Variants in CRB1 observed in about 807,000 individuals in gnomAD.
The protein encoded by CRB1 is crumbs cell polarity complex component 1, also known as protein crumbs homolog 1.
In CRB1, 83 loss-of-function variants were observed where a neutral mutation model predicts 120.0. The observed-to-expected ratio is 0.69, with a 90% confidence interval of 0.58 to 0.83. CRB1 has a LOEUF of 0.83. Ranked by LOEUF, CRB1 falls within the 40% of genes least tolerant of loss-of-function variation. CRB1 has a pLI of 0.00. For missense variants in CRB1, 1,699 were observed against 1,687.6 expected, an observed-to-expected ratio of 1.01 and a Z score of -0.12; for synonymous variants, 625 against 612.5, an observed-to-expected ratio of 1.02 and a Z score of -0.30.
At chr1:197,203,894 C>G in the CRB1 span, among the ~76,000 whole-genome samples, 5 of 152,122 alleles carry the variant, frequency 3.3e-5, no homozygotes, top group Admixed American at 2.0e-4. Flanking sequence ...GTGCACCCAT[C>G]ATCCAAGTAG....
intron 11 of CRB1, among the ~76,000 whole-genome samples, chr1:197,472,512 A>C (rs1412563916): frequency 1.3e-5 from 2 of 152,158 alleles, no homozygotes; most frequent in African/African-American, 4.8e-5. Flanking sequence ...ATTTTCCAAA[A>C]AATCCTGCAA....
intron 11 of CRB1, among the ~76,000 whole-genome samples, chr1:197,446,368 G>T (rs1483047915): frequency 6.6e-6 from 1 of 152,132 alleles, no homozygotes; most frequent in African/African-American, 2.4e-5. Context: ...GGCTGTGGAA[G>T]AAGCAATGGC....
chr1:197,326,610 G>A lies in CRB1; in HGVS notation c.71-1812G>A, dbSNP rs367924230. 1.3e-4 allele frequency among the ~76,000 whole-genome samples: 20 copies of A among 152,032 alleles called. No individual in the cohort carries two copies. The East Asian group carries it at 2.5e-3, about 19-fold the overall frequency. On this transcript the variant is annotated intron_variant, in intron 1 of 11. Transcript: ENST00000367400. ...CATGCTACTGTACTCCAGCCTGGGC[G>A]ACAGAGCAAGACTCTGTCTCAAAAT...
the CRB1 span, among the ~76,000 whole-genome samples, chr1:197,221,507 T>G: frequency 1.3e-5 from 2 of 152,182 alleles, no homozygotes; most frequent in African/African-American, 4.8e-5. Flanking sequence ...TTCTGAAAAA[T>G]AATTTTACTA....
intron 5 of CRB1, chr1:197,363,898 A>G (rs1660918212): frequency 1.7e-6 from 2 of 1,189,098 alleles, no homozygotes; most frequent in Admixed American, 1.7e-5. Context: ...GACCCTAAAC[A>G]GAATCCTCAC....
At chr1:197,408,156 G>A (rs1283082176) in intron 5 of CRB1, among the ~76,000 whole-genome samples, 1 of 152,108 alleles carries the variant, frequency 6.6e-6, no homozygotes, top group Non-Finnish European at 1.5e-5. Context: ...TCTGTGCTGG[G>A]TTCCATATGG....
intron 9 of CRB1, among the ~76,000 whole-genome samples, chr1:197,436,072 C>T (rs746906200): frequency 3.9e-5 from 6 of 152,068 alleles, no homozygotes; most frequent in Non-Finnish European, 5.9e-5. Flanking sequence ...TCTTGAACAA[C>T]GCAGGGGTTA....
chr1:197,320,732 C>CGT (rs1350760335), intron 1 of CRB1, among the ~76,000 whole-genome samples: 2 of 151,986 alleles, frequency 1.3e-5, no homozygotes, highest in Non-Finnish European at 2.9e-5. Context: ...TAGGTATATA[C>CGT]AATGTTGAAT....
At chr1:197,381,038 A>G (rs1393087696) in intron 5 of CRB1, among the ~76,000 whole-genome samples, 1 of 152,194 alleles carries the variant, frequency 6.6e-6, no homozygotes, top group Non-Finnish European at 1.5e-5. Flanking sequence ...CGTATCTGAC[A>G]ACCATTCCCA....
Position 197,328,513 on chromosome 1 carries a change from T to C in CRB1, c.162T>C (p.Cys54=), listed in dbSNP as rs1426861310. ...AAGATTTTTCAAAAGACAATGATTG[T>C]TCTTGTTCAGACACAGCCAATAATT... ...TCKDFSKDND[C]SCSDTANNLD... is the part of the protein sequence containing the mutation. The change falls in exon 2 of 12, where the codon TGT becomes TGC. Residue 54 remains cysteine (C), a synonymous_variant. Coordinates refer to ENST00000367400, the MANE Select transcript of CRB1 (RefSeq NM_201253.3). The C allele has an allele frequency of 6.2e-7, 1 of 1,614,242 alleles. No homozygotes were observed. Among genetic ancestry groups the C allele is most frequent in the Non-Finnish European group, 8.5e-7 (1 of 1,180,034 alleles).
intron 3 of CRB1, 109 bp from the exon 4 acceptor site, chr1:197,347,231 T>A: frequency 2.1e-6 from 2 of 952,640 alleles, no homozygotes; most frequent in Admixed American, 3.4e-5. Flanking sequence ...TTTGAGGTAG[T>A]AAGATGATGC....
At chr1:197,340,504 A>G (rs1659390017) in intron 2 of CRB1, among the ~76,000 whole-genome samples, 1 of 152,166 alleles carries the variant, frequency 6.6e-6, no homozygotes, top group Non-Finnish European at 1.5e-5. Context: ...TCACATTTCT[A>G]TAGAAATGTA....
At chr1:197,258,076 TAGAA>T in the CRB1 span, among the ~76,000 whole-genome samples, 8 of 152,202 alleles carry the variant, frequency 5.3e-5, no homozygotes, top group African/African-American at 4.8e-5. Flanking sequence ...TCTAAATAGT[TAGAA>T]AGAATAAATA....
In CRB1 at chr1:197,427,555, C is replaced by A. The variant is rs150412614; in HGVS notation, c.2230C>A (p.Arg744=). 2.8e-4 allele frequency: 444 copies of A among 1,613,820 alleles called. 4 individuals carry two copies. Among genetic ancestry groups the A allele is most frequent in the Middle Eastern group, 5.0e-4 (3 of 6,060 alleles). Residue 744 remains arginine (R), a synonymous_variant, in exon 7 of 12, where the codon CGA becomes AGA. Transcript: ENST00000367400. The stretch of plus-strand genomic sequence containing the variant: ...CACCATCAGCCTCTCCATGTTTGTC[C>A]GAACGCTTCAACCATCAGGCTTACT... ...GDTISLSMFV[R]TLQPSGLLLA... is the part of the protein sequence containing the mutation.
At chr1:197,238,012 C>T in the CRB1 span, among the ~76,000 whole-genome samples, 1 of 152,240 alleles carries the variant, frequency 6.6e-6, no homozygotes, top group East Asian at 1.9e-4. Flanking sequence ...GCAATACTTT[C>T]ACTGTGTTCT....
At position 197,329,274 on chromosome 1, in the gene CRB1, A is replaced by G. The variant is rs553816513; in HGVS notation, c.652+271A>G. ...CAGTCTAGAATGAATGAGGTCCAAGAGAAACTCAAGGGCAGTTCAGGTTTC... is the reference window on the plus strand; with the variant it reads ...CAGTCTAGAATGAATGAGGTCCAAGGGAAACTCAAGGGCAGTTCAGGTTTC... On this transcript the variant is annotated intron_variant, in intron 2 of 11. Transcript: ENST00000367400. 1.3e-4 allele frequency among the ~76,000 whole-genome samples: 20 copies of G among 152,312 alleles called. No individual in the cohort carries two copies. The East Asian group carries it at 3.5e-3, about 26-fold the overall frequency.
the CRB1 span, among the ~76,000 whole-genome samples, chr1:197,218,612 A>T: frequency 6.6e-6 from 1 of 152,140 alleles, no homozygotes; most frequent in Non-Finnish European, 1.5e-5. Context: ...AGAGAAAAGG[A>T]TGTTGTGTGG....
At chr1:197,415,380 G>T (rs1409111724) in intron 5 of CRB1, among the ~76,000 whole-genome samples, 1 of 152,028 alleles carries the variant, frequency 6.6e-6, no homozygotes, top group Non-Finnish European at 1.5e-5. Flanking sequence ...CAACAATTAC[G>T]TATGACTCCC....
the CRB1 span, among the ~76,000 whole-genome samples, chr1:197,255,628 C>T: frequency 2.5e-4 from 38 of 152,036 alleles, no homozygotes; most frequent in South Asian, 5.6e-3. Context: ...GAAAAAAGGA[C>T]GCTTCTGCCT....
Sources: gnomAD v4.1 joint callset for allele counts (sites outside exome capture counted in the v4.1 genomes callset) on GRCh38, gnomAD v4.1.1 for gene constraint, MANE v1.5 for transcripts, NCBI Gene and HGNC (gene_info 2026-07-23, HGNC 2026-07-21) for gene names.